TPD52L3: variants seen among roughly 807,000 people sequenced by gnomAD.
TPD52L3 encodes the protein tumor protein D55.
A neutral mutation model predicts 8.7 loss-of-function variants in TPD52L3; 12 were observed. That is an observed-to-expected ratio of 1.38 (90% CI 0.89 to 2.24). The LOEUF (loss-of-function observed/expected upper bound fraction) is 2.24, where lower values mean the gene tolerates loss of function less well. Ranked by LOEUF, TPD52L3 falls within the 30% of genes most tolerant of loss-of-function variation. TPD52L3 has a pLI of 0.00. For synonymous variants in TPD52L3, 79 were observed against 66.8 expected (o/e 1.18, Z -0.89); for missense variants, 207 against 158.7 (o/e 1.30, Z -1.64).
chr9:6,329,009 T>C (rs1202591155), intron 1 of TPD52L3, 47 bp downstream of exon 1: 1 of 1,613,576 alleles, frequency 6.2e-7, no homozygotes, highest in African/African-American at 1.3e-5. Context: ...GCAAAAGAGC[T>C]TGGCCCTGAC....
chr9:6,328,398 T>A lies in TPD52L3; in HGVS notation c.-198T>A. 1 of 433,410 alleles carries A rather than the reference T, an allele frequency of 2.3e-6. No homozygotes were observed. The highest frequency in any genetic ancestry group is 2.1e-5 in the African/African-American group (1 of 47,148). 26.8% of individuals were successfully genotyped at this position (433,410 alleles called of 1,614,324 possible). A position where few individuals can be genotyped will look rare whatever the true frequency, so the allele number is the denominator to read the frequency against. ...TCACAGGCCAGGTCGTCAACTCAAC[T>A]GTCAAGGTGTCCATTGTACCAGCTG... On this transcript the variant is annotated 5_prime_UTR_variant, in exon 1 of 2. Coordinates refer to ENST00000314556, the MANE Select transcript of TPD52L3 (RefSeq NM_001001874.3).
intron 1 of TPD52L3, chr9:6,329,571 G>GGTTT (rs997817061): frequency 1.0e-5 from 10 of 1,001,724 alleles, no homozygotes; most frequent in Middle Eastern, 5.2e-4. Flanking sequence ...GTGTTTTTTT[G>GGTTT]GTTTGTTTGT....
rs935486606 is a variant in TPD52L3 at position 6,330,083 on chromosome 9, A to T, written c.368-893A>T. The T allele has an allele frequency of 2.6e-5, 41 of 1,557,630 alleles. 1 individual carries two copies. The East Asian group carries it at 3.9e-4, about 15-fold the overall frequency. The stretch of plus-strand genomic sequence containing the variant: ...AAACCCCTGTCTCAAGGAACATTTT[A>T]AAAAGAACGTCTGTCCCCTGTGATG... On this transcript the variant is annotated intron_variant, in intron 1 of 1. Coordinates refer to ENST00000314556, the MANE Select transcript of TPD52L3 (RefSeq NM_001001874.3).
rs1195481573 is a variant in TPD52L3, at chr9:6,329,212, C to G, written c.367+250C>G. ...TGGTACTAAACCAGTGCAAGGACCC[C>G]CTTCCCTTATTACATTTGCAACTCT... On this transcript the variant is annotated intron_variant, in intron 1 of 1. Transcript: ENST00000314556. 5 of 1,407,940 alleles carry G rather than the reference C, an allele frequency of 3.6e-6. No homozygotes were observed. The African/African-American group carries it at 5.8e-5, about 16-fold the overall frequency. 87.2% of individuals were successfully genotyped at this position (1,407,940 alleles called of 1,614,324 possible).
At chr9:6,329,331 G>C in intron 1 of TPD52L3, 1 of 1,149,654 alleles carries the variant, frequency 8.7e-7, no homozygotes, top group Non-Finnish European at 1.1e-6. Flanking sequence ...ACAGATATTT[G>C]CTGCTTTTAA....
At position 6,328,392 on chromosome 9, in the gene TPD52L3, C is replaced by G; in HGVS notation, c.-204C>G. Reference sequence around the variant, plus strand: ...TCTACTTCACAGGCCAGGTCGTCAACTCAACTGTCAAGGTGTCCATTGTAC... The same window carrying G: ...TCTACTTCACAGGCCAGGTCGTCAAGTCAACTGTCAAGGTGTCCATTGTAC... On this transcript the variant is annotated 5_prime_UTR_variant, in exon 1 of 2. Coordinates refer to ENST00000314556, the MANE Select transcript of TPD52L3 (RefSeq NM_001001874.3). 3.8e-6 allele frequency: 2 copies of G among 522,284 alleles called. No individual in the cohort carries two copies. Among genetic ancestry groups the G allele is most frequent in the South Asian group, 2.1e-5 (1 of 48,202 alleles). 32.4% of individuals were successfully genotyped at this position (522,284 alleles called of 1,614,324 possible).
chr9:6,330,884 T>C, intron 1 of TPD52L3, 92 bp from the exon 2 acceptor site: 2 of 1,568,204 alleles, frequency 1.3e-6, no homozygotes, highest in Non-Finnish European at 1.7e-6. Flanking sequence ...TCTACAACAG[T>C]AGTAAGTTTC....
In TPD52L3 at chr9:6,331,568, C is replaced by A. The variant is rs1218407843; in HGVS notation, c.*549C>A. The stretch of plus-strand genomic sequence containing the variant: ...GGGGGCAAAATCATAAGTAGTCTTA[C>A]ATACTACATTAGATATCAATATTTA... On this transcript the variant is annotated 3_prime_UTR_variant, in exon 2 of 2. Transcript: ENST00000314556. 6.6e-6 allele frequency: 1 copy of A among 152,154 alleles called. No individual in the cohort carries two copies. The highest frequency in any genetic ancestry group is 1.5e-5 in the Non-Finnish European group (1 of 68,060). The allele number at this position is 152,154 out of a possible 1,614,324, so 9.4% of individuals were successfully genotyped here.
chr9:6,328,476 C>CCTGCAGGCCTAGATTTCGACT lies in TPD52L3; in HGVS notation c.-115_-95dup. The CCTGCAGGCCTAGATTTCGACT allele has an allele frequency of 8.1e-7, 1 of 1,239,564 alleles. No homozygotes were observed. The highest frequency in any genetic ancestry group is 1.5e-5 in the South Asian group (1 of 68,732). The allele number at this position is 1,239,564 out of a possible 1,614,324, so 76.8% of individuals were successfully genotyped here. A position where few individuals can be genotyped will look rare whatever the true frequency, so the allele number is the denominator to read the frequency against. On this transcript the variant is annotated 5_prime_UTR_variant, in exon 1 of 2. Coordinates refer to ENST00000314556, the MANE Select transcript of TPD52L3 (RefSeq NM_001001874.3). ...TGACTCCACCTGCCAAGAGTCTGAG[C>CCTGCAGGCCTAGATTTCGACT]CTGCAGGCCTAGATTTCGACTCTGC...
intron 1 of TPD52L3, chr9:6,329,416 T>A: frequency 1.9e-6 from 2 of 1,058,642 alleles, no homozygotes; most frequent in Non-Finnish European, 2.3e-6. Flanking sequence ...TTATATTAGC[T>A]TTCCTGAGAC....
chr9:6,329,708 AAG>A (rs1387034419), intron 1 of TPD52L3: 1 of 1,002,106 alleles, frequency 1.0e-6, no homozygotes, highest in Non-Finnish European at 1.2e-6. Context: ...GACTCAGAAA[AAG>A]AGGGGAAAAT....
chr9:6,329,402 G>T (rs1204073320), intron 1 of TPD52L3: 1 of 1,063,746 alleles, frequency 9.4e-7, no homozygotes, highest in Non-Finnish European at 1.1e-6. Context: ...GACGAAATGT[G>T]CCATTATATT....
chr9:6,328,490 T>G lies in TPD52L3; in HGVS notation c.-106T>G. ...AAGAGTCTGAGCCTGCAGGCCTAGA[T>G]TTCGACTCTGCTGGCCAAGATTATT... On this transcript the variant is annotated 5_prime_UTR_variant, in exon 1 of 2. Transcript: ENST00000314556. The G allele has an allele frequency of 7.1e-7, 1 of 1,405,250 alleles. No homozygotes were observed. Among genetic ancestry groups the G allele is most frequent in the South Asian group, 1.4e-5 (1 of 72,868 alleles). The allele number at this position is 1,405,250 out of a possible 1,614,324, so 87.0% of individuals were successfully genotyped here. A position where few individuals can be genotyped will look rare whatever the true frequency, so the allele number is the denominator to read the frequency against.
Position 6,330,958 on chromosome 9 carries a change from T to C in TPD52L3, c.368-18T>C, listed in dbSNP as rs762852975. On this transcript the variant is annotated intron_variant, in intron 1 of 1. Coordinates refer to ENST00000314556, the MANE Select transcript of TPD52L3 (RefSeq NM_001001874.3). ...ATATTTATTTTTGCTGATCATTGTT[T>C]TCCCATTTCTGGCTTAGGATTGATC... 1 of 1,611,668 alleles carries C rather than the reference T, an allele frequency of 6.2e-7. No individual in the cohort carries two copies. Among genetic ancestry groups the C allele is most frequent in the African/African-American group, 1.3e-5 (1 of 74,864 alleles).
intron 1 of TPD52L3, chr9:6,330,326 A>C (rs905410334): frequency 6.6e-7 from 1 of 1,526,160 alleles, no homozygotes; most frequent in Non-Finnish European, 8.8e-7. Flanking sequence ...CATTTTCAAA[A>C]TGCCAAGATC....
chr9:6,329,468 G>A (rs538802882), intron 1 of TPD52L3: 33 of 1,017,448 alleles, frequency 3.2e-5, no homozygotes, highest in Non-Finnish European at 3.6e-5. Context: ...GGGGTCTTAG[G>A]CCAAAGCCCA....
chr9:6,328,969 T>C lies in TPD52L3; in HGVS notation c.367+7T>C. On this transcript the variant is annotated splice_region_variant and intron_variant, in intron 1 of 1. Transcript: ENST00000314556. ...ACATTCAGATCTTTTGAAGGTCTGA[T>C]GGGGACAATCAAGTCCAAAGTCTCA... The C allele has an allele frequency of 6.2e-7, 1 of 1,614,148 alleles. No individual in the cohort carries two copies. The highest frequency in any genetic ancestry group is 8.5e-7 in the Non-Finnish European group (1 of 1,180,014).
Position 6,328,970 on chromosome 9 carries a change from G to A in TPD52L3, c.367+8G>A, listed in dbSNP as rs781765028. 1.2e-6 allele frequency: 2 copies of A among 1,614,098 alleles called. No individual in the cohort carries two copies. The highest frequency in any genetic ancestry group is 8.5e-7 in the Non-Finnish European group (1 of 1,179,992). ...CATTCAGATCTTTTGAAGGTCTGATGGGGACAATCAAGTCCAAAGTCTCAG... is the reference window on the plus strand; with the variant it reads ...CATTCAGATCTTTTGAAGGTCTGATAGGGACAATCAAGTCCAAAGTCTCAG... On this transcript the variant is annotated splice_region_variant and intron_variant, in intron 1 of 1. Coordinates refer to ENST00000314556, the MANE Select transcript of TPD52L3 (RefSeq NM_001001874.3).
In TPD52L3 at chr9:6,330,639, T is replaced by G. The variant is rs191158251; in HGVS notation, c.368-337T>G. 957 of 1,171,618 alleles carry G rather than the reference T, an allele frequency of 8.2e-4. 2 individuals carry two copies. Among genetic ancestry groups the G allele is most frequent in the Non-Finnish European group, 9.6e-4 (906 of 941,698 alleles). The allele number at this position is 1,171,618 out of a possible 1,614,324, so 72.6% of individuals were successfully genotyped here. On this transcript the variant is annotated intron_variant, in intron 1 of 1. Transcript: ENST00000314556. ...AGATTTCTGAAGACAAAGTTTTGCT[T>G]GGATTAAAACAAGATGTTTTACTAT...
Sources: gnomAD v4.1 joint callset for allele counts on GRCh38, gnomAD v4.1.1 for gene constraint, MANE v1.5 for transcripts, NCBI Gene and HGNC (gene_info 2026-07-23, HGNC 2026-07-21) for gene names.